The following ZNF385D variants were observed in gnomAD, a reference collection of about 807,000 sequenced individuals.
ZNF385D encodes the protein zinc finger protein 659.
Under a neutral mutation model 35.8 loss-of-function variants are expected in ZNF385D, and 15 were observed. That is an observed-to-expected ratio of 0.42 (90% CI 0.28 to 0.64). The LOEUF (loss-of-function observed/expected upper bound fraction) is 0.64. ZNF385D is among the 30% of genes least tolerant of loss of function. The pLI is 0.23. For synonymous variants in ZNF385D, 212 were observed against 186.8 expected, an observed-to-expected ratio of 1.13 and a Z score of -1.10; for missense variants, 474 against 494.6, an observed-to-expected ratio of 0.96 and a Z score of 0.39.
chr3:21,695,553 G>A (rs906808815), intron 1 of ZNF385D, among the ~76,000 whole-genome samples: 4 of 152,068 alleles, frequency 2.6e-5, no homozygotes, highest in African/African-American at 9.7e-5. Context: ...GCTAATGCCA[G>A]GTCTCTTTCT....
intron 2 of ZNF385D, among the ~76,000 whole-genome samples, chr3:22,332,790 TA>T (rs1348213695): frequency 1.3e-5 from 2 of 152,132 alleles, no homozygotes; most frequent in African/African-American, 4.8e-5. Context: ...TTCAGACTAA[TA>T]ATTGCTATGT....
chr3:21,750,951 C>T lies in ZNF385D; in HGVS notation c.-35G>A. On this transcript the variant is annotated 5_prime_UTR_variant, in exon 1 of 8. Coordinates refer to ENST00000281523, the MANE Select transcript of ZNF385D (RefSeq NM_024697.3). Reference sequence around the variant, plus strand: ...AGCTGGAATCCCACCGCGGTGTCTTCAGCATCAGCTCTCACCCAAGGCTGG... The same window carrying T: ...AGCTGGAATCCCACCGCGGTGTCTTTAGCATCAGCTCTCACCCAAGGCTGG... 2 of 1,614,038 alleles carry T rather than the reference C, an allele frequency of 1.2e-6. No individual in the cohort carries two copies. Among genetic ancestry groups the T allele is most frequent in the South Asian group, 2.2e-5 (2 of 91,076 alleles).
chr3:22,180,067 A>T lies in ZNF385D; in HGVS notation c.107-11032T>A, dbSNP rs189488854. ...AGACTAATAAAGAAGAAAAGAGAGA[A>T]TAATCAAATAGATGCAATAAAAAAT... On this transcript the variant is annotated intron_variant, in intron 2 of 5. Transcript: ENST00000494108. 3.9e-4 allele frequency among the ~76,000 whole-genome samples: 59 copies of T among 152,332 alleles called. No homozygotes were observed. In the East Asian group the frequency reaches 0.011, roughly 27 times the overall value.
chr3:21,598,349 C>A (rs2064183241), intron 2 of ZNF385D, among the ~76,000 whole-genome samples: 1 of 152,032 alleles, frequency 6.6e-6, no homozygotes. Context: ...TAGCTTTTAG[C>A]CTAATGAGTG....
At chr3:22,117,852 T>A (rs1431963906) in intron 3 of ZNF385D, among the ~76,000 whole-genome samples, 1 of 152,042 alleles carries the variant, frequency 6.6e-6, no homozygotes, top group African/African-American at 2.4e-5. Flanking sequence ...TCTAATATAA[T>A]CGTAACAATC....
At chr3:22,251,477 T>A (rs1473721132) in intron 2 of ZNF385D, among the ~76,000 whole-genome samples, 3 of 152,110 alleles carry the variant, frequency 2.0e-5, no homozygotes, top group Non-Finnish European at 4.4e-5. Flanking sequence ...TGGAAATCTC[T>A]TAAGTGGCTA....
At chr3:21,501,822 T>A (rs1188798532) in intron 4 of ZNF385D, among the ~76,000 whole-genome samples, 1 of 152,174 alleles carries the variant, frequency 6.6e-6, no homozygotes, top group Non-Finnish European at 1.5e-5. Flanking sequence ...AAGACACAGA[T>A]GTTTCCAGAA....
At chr3:22,292,969 A>T (rs372204314) in intron 2 of ZNF385D, among the ~76,000 whole-genome samples, 8 of 152,096 alleles carry the variant, frequency 5.3e-5, no homozygotes, top group African/African-American at 1.9e-4. Flanking sequence ...AGTAAGTTTA[A>T]CAATGTATAT....
chr3:21,678,190 G>A (rs927286178), intron 1 of ZNF385D, among the ~76,000 whole-genome samples: 1 of 152,104 alleles, frequency 6.6e-6, no homozygotes, highest in African/African-American at 2.4e-5. Context: ...CTCTGGCAAA[G>A]TGTCCAATCA....
chr3:22,151,882 G>A (rs1163340874), intron 3 of ZNF385D, among the ~76,000 whole-genome samples: 1 of 152,078 alleles, frequency 6.6e-6, no homozygotes, highest in African/African-American at 2.4e-5. Context: ...AGGTTTAGGG[G>A]TACATGTGCA....
Position 21,952,564 on chromosome 3 carries a change from ACC to A in ZNF385D, c.325+216251_325+216252del, listed in dbSNP as rs1702113141. 4.6e-5 allele frequency among the ~76,000 whole-genome samples: 7 copies of A among 151,984 alleles called. No homozygotes were observed. In the South Asian group the frequency reaches 1.5e-3, roughly 32 times the overall value. On this transcript the variant is annotated intron_variant, in intron 3 of 5. Coordinates refer to the ZNF385D transcript ENST00000494108. ...CTTGATGATTTTGGAATCCCCCTAAACCTCAGTTTTCTCACCTTTAAAATATA... is the reference window on the plus strand; with the variant it reads ...CTTGATGATTTTGGAATCCCCCTAAATCAGTTTTCTCACCTTTAAAATATA...
At chr3:21,558,866 A>G (rs2125627040) in intron 3 of ZNF385D, among the ~76,000 whole-genome samples, 1 of 152,054 alleles carries the variant, frequency 6.6e-6, no homozygotes. Context: ...TAGCATATAT[A>G]TTTAGGATCG....
At chr3:21,458,534 G>T (rs1702969951) in intron 4 of ZNF385D, among the ~76,000 whole-genome samples, 1 of 151,796 alleles carries the variant, frequency 6.6e-6, no homozygotes, top group African/African-American at 2.4e-5. Flanking sequence ...AAGGGAAGGG[G>T]AGGGGAGGGC....
chr3:21,901,377 A>G (rs1699404627), intron 3 of ZNF385D, among the ~76,000 whole-genome samples: 1 of 152,194 alleles, frequency 6.6e-6, no homozygotes, highest in African/African-American at 2.4e-5. Flanking sequence ...GGAAGCATAT[A>G]GAAAGCTGAG....
At chr3:22,333,960 C>G (rs1426562906) in intron 2 of ZNF385D, among the ~76,000 whole-genome samples, 1 of 152,196 alleles carries the variant, frequency 6.6e-6, no homozygotes, top group East Asian at 1.9e-4. Context: ...CATACATTCT[C>G]TTCAGAATGT....
At chr3:22,070,246 A>G (rs1700164941) in intron 3 of ZNF385D, among the ~76,000 whole-genome samples, 1 of 152,184 alleles carries the variant, frequency 6.6e-6, no homozygotes. Context: ...AGTCCTGGAT[A>G]AAGAAATAGG....
At chr3:22,024,554 T>C (rs551052764) in intron 3 of ZNF385D, among the ~76,000 whole-genome samples, 2 of 152,246 alleles carry the variant, frequency 1.3e-5, no homozygotes, top group South Asian at 4.1e-4. Flanking sequence ...ATTAATAGTA[T>C]GGAGAACTGT....
At chr3:21,967,019 T>A (rs544925646) in intron 3 of ZNF385D, among the ~76,000 whole-genome samples, 1 of 152,162 alleles carries the variant, frequency 6.6e-6, no homozygotes, top group East Asian at 1.9e-4. Context: ...AGAACACACA[T>A]AAATTAAAAT....
rs544741564 is a variant in ZNF385D at position 22,102,785 on chromosome 3, G to A, written c.325+66032C>T. Among the ~76,000 whole-genome samples, 10 of 151,722 alleles carry A rather than the reference G, an allele frequency of 6.6e-5. No individual in the cohort carries two copies. The South Asian group carries it at 2.1e-3, about 32-fold the overall frequency. On this transcript the variant is annotated intron_variant, in intron 3 of 5. Transcript: ENST00000494108. Reference sequence around the variant, plus strand: ...CATATTCCTTTCTGTGTTTTCCCAAGCAGTTGTACAAACTTCTCTGATCAC... The same window carrying A: ...CATATTCCTTTCTGTGTTTTCCCAAACAGTTGTACAAACTTCTCTGATCAC...
Sources: gnomAD v4.1 joint callset for allele counts (sites outside exome capture counted in the v4.1 genomes callset) on GRCh38, gnomAD v4.1.1 for gene constraint, MANE v1.5 for transcripts, NCBI Gene and HGNC (gene_info 2026-07-23, HGNC 2026-07-21) for gene names.